ANKRD16: variants seen among roughly 807,000 people sequenced by gnomAD.
ANKRD16 encodes the protein ankyrin repeat domain 16.
ANKRD16 carries 35 observed loss-of-function variants against 37.9 expected under a neutral mutation model. The ratio of observed to expected loss-of-function variants is 0.92; its 90% CI spans 0.71 to 1.23. The LOEUF (loss-of-function observed/expected upper bound fraction) is 1.23. Ranked by LOEUF, ANKRD16 falls within the 50% of genes most tolerant of loss-of-function variation. The pLI is 0.00. For synonymous variants in ANKRD16, 206 were observed against 197.2 expected (o/e 1.04, Z -0.37); for missense variants, 480 against 469.9 (o/e 1.02, Z -0.20).
At chr10:5,873,294 T>A (rs985996650) in intron 7 of ANKRD16, among the ~76,000 whole-genome samples, 21 of 152,104 alleles carry the variant, frequency 1.4e-4, no homozygotes, top group African/African-American at 4.6e-4. Flanking sequence ...CCTCCCAAAG[T>A]GCTGGGATAA....
At position 5,889,365 on chromosome 10, in the gene ANKRD16, C is replaced by T; in HGVS notation, c.-11G>A. On this transcript the variant is annotated 5_prime_UTR_variant, in exon 1 of 8. Transcript: ENST00000380094. The stretch of plus-strand genomic sequence containing the variant: ...CCCGGGCTGGGCCATCGCCGCGGGT[C>T]GGGCCGGGCTGCGCGGGGAGGCGGC... 1 of 1,211,174 alleles carries T rather than the reference C, an allele frequency of 8.3e-7. No homozygotes were observed. The highest frequency in any genetic ancestry group is 1.0e-6 in the Non-Finnish European group (1 of 976,788). The allele number at this position is 1,211,174 out of a possible 1,614,324, so 75.0% of individuals were successfully genotyped here. A position where few individuals can be genotyped will look rare whatever the true frequency, so the allele number is the denominator to read the frequency against.
Position 5,887,956 on chromosome 10 carries a change from G to A in ANKRD16, c.426C>T (p.His142=), listed in dbSNP as rs1239287631. The change falls in exon 2 of 8, where the codon CAC becomes CAT. Residue 142 remains histidine (H), a synonymous_variant. Coordinates refer to ENST00000380094, the MANE Select transcript of ANKRD16 (RefSeq NM_019046.3). ...GAGGGTCGCCTTCTCGACTGGCAAT[G>A]TGGAAACTGTTCCAGCCATCTTTGT... ...LKNKDGWNSF[H]IASREGDPLI... 6.2e-7 allele frequency: 1 copy of A among 1,614,138 alleles called. No individual in the cohort carries two copies. Among genetic ancestry groups the A allele is most frequent in the Non-Finnish European group, 8.5e-7 (1 of 1,180,048 alleles).
intron 2 of ANKRD16, among the ~76,000 whole-genome samples, chr10:5,887,240 A>C (rs954785128): frequency 2.0e-5 from 3 of 152,248 alleles, no homozygotes; most frequent in Non-Finnish European, 2.9e-5. Context: ...ACTATGTGCT[A>C]CAGAACCAGC....
chr10:5,879,704 C>T (rs1018916732), intron 6 of ANKRD16, among the ~76,000 whole-genome samples: 1 of 30,972 alleles, frequency 3.2e-5, no homozygotes, highest in Non-Finnish European at 8.9e-5. Context: ...TAGAAAGAAA[C>T]TGCTTTTATG....
rs895279269 is a variant in ANKRD16 at position 5,862,881 on chromosome 10, C to T, written c.*34-190G>A. Among the ~76,000 whole-genome samples the T allele has an allele frequency of 7.2e-5, 11 of 152,016 alleles. No homozygotes were observed. Among genetic ancestry groups the T allele is most frequent in the African/African-American group, 2.4e-4 (10 of 41,358 alleles). ...AAGGGAGAAGGGAAGGGGAGGCTGG[C>T]GCTAGATAGTAACAAGCTGTGTGTT... On this transcript the variant is annotated intron_variant, in intron 7 of 7. Transcript: ENST00000380094. The surrounding 1 kb of genome is among the most constrained non-coding windows in gnomAD (Gnocchi z 6.5).
In ANKRD16 at chr10:5,862,388, T is replaced by C; in HGVS notation, c.*337A>G. ...CAGGGCAGAGGCAGAAGGCACCACC[T>C]CAATCTGGGCCTGTCTGCTGTGGCT... On this transcript the variant is annotated 3_prime_UTR_variant, in exon 8 of 8. Transcript: ENST00000380094. This position sits in a 1 kb window ranked among gnomAD's most constrained non-coding sequence, Gnocchi z 6.5. The C allele has an allele frequency of 2.2e-6, 1 of 446,340 alleles. No individual in the cohort carries two copies. The highest frequency in any genetic ancestry group is 4.4e-6 in the Non-Finnish European group (1 of 225,904). The allele number at this position is 446,340 out of a possible 1,614,324, so 27.6% of individuals were successfully genotyped here.
At position 5,870,026 on chromosome 10, in the gene ANKRD16, G is replaced by A. The variant is rs934329707; in HGVS notation, c.*34-7335C>T. On this transcript the variant is annotated intron_variant, in intron 7 of 7. Coordinates refer to ENST00000380094, the MANE Select transcript of ANKRD16 (RefSeq NM_019046.3). This position sits in a 1 kb window ranked among gnomAD's most constrained non-coding sequence, Gnocchi z 5.0. Reference sequence around the variant, plus strand: ...AGGATCCCTAGGTTTGAAGGAATCTGCATTTTAACAAGACTCTAGTTGCTT... The same window carrying A: ...AGGATCCCTAGGTTTGAAGGAATCTACATTTTAACAAGACTCTAGTTGCTT... 2.0e-5 allele frequency among the ~76,000 whole-genome samples: 3 copies of A among 151,910 alleles called. No individual in the cohort carries two copies. The highest frequency in any genetic ancestry group is 4.4e-5 in the Non-Finnish European group (3 of 67,990).
chr10:5,889,767 A>C lies in ANKRD16; in HGVS notation c.-413T>G. 1 of 156,820 alleles carries C rather than the reference A, an allele frequency of 6.4e-6. No individual in the cohort carries two copies. 9.7% of individuals were successfully genotyped at this position (156,820 alleles called of 1,614,324 possible). A position where few individuals can be genotyped will look rare whatever the true frequency, so the allele number is the denominator to read the frequency against. On this transcript the variant is annotated 5_prime_UTR_variant, in exon 1 of 8. Transcript: ENST00000380094. ...GTAAGGGAGTGGGGCGCGCCGCTAC[A>C]CCGCAAAGCCCCAAAGTGGAGGGTC...
chr10:5,883,285 A>C (rs907368730), intron 4 of ANKRD16, 118 bp from the exon 5 acceptor site: 35 of 1,018,736 alleles, frequency 3.4e-5, no homozygotes, highest in Admixed American at 2.3e-4. Context: ...CTCTCTGGGC[A>C]GAGGATATGT....
Position 5,878,021 on chromosome 10 carries a change from TGGA to T in ANKRD16, c.*33+73_*33+75del. 1 of 1,436,046 alleles carries T rather than the reference TGGA, an allele frequency of 7.0e-7. No individual in the cohort carries two copies. Among genetic ancestry groups the T allele is most frequent in the South Asian group, 1.3e-5 (1 of 75,072 alleles). 89.0% of individuals were successfully genotyped at this position (1,436,046 alleles called of 1,614,324 possible). ...ATGCAGGATGAGGGAAGGGAGGAAG[TGGA>T]GGAGATGGAAAACTGGCTTCCAACT... On this transcript the variant is annotated intron_variant, in intron 7 of 7. Transcript: ENST00000380094. This position sits in a 1 kb window ranked among gnomAD's most constrained non-coding sequence, Gnocchi z 5.1.
chr10:5,883,927 A>T (rs1842365160), intron 4 of ANKRD16, 42 bp downstream of exon 4: 1 of 1,574,870 alleles, frequency 6.3e-7, no homozygotes, highest in African/African-American at 1.4e-5. Context: ...CCTAAAATTT[A>T]TAGGAAGAAC....
chr10:5,885,799 T>A (rs1842414350), intron 2 of ANKRD16, 34 bp from the exon 3 acceptor site: 2 of 1,589,664 alleles, frequency 1.3e-6, no homozygotes, highest in Non-Finnish European at 8.5e-7. Flanking sequence ...AATTAGAGCT[T>A]TTTAGTGCAC....
chr10:5,877,712 T>C (rs1227319321), intron 7 of ANKRD16, among the ~76,000 whole-genome samples: 2 of 152,360 alleles, frequency 1.3e-5, no homozygotes, highest in East Asian at 1.9e-4. Context: ...GTATGTGATA[T>C]TTTTGTTATT....
Position 5,868,766 on chromosome 10 carries a change from C to T in ANKRD16, c.*34-6075G>A, listed in dbSNP as rs368350983. Among the ~76,000 whole-genome samples the T allele has an allele frequency of 2.6e-5, 4 of 152,178 alleles. No individual in the cohort carries two copies. The East Asian group carries it at 5.8e-4, about 22-fold the overall frequency. ...CCCTTAAGAGCTGTAACATTCACTG[C>T]GAGGGTCTGCGGCTTCATTCCTTAA... On this transcript the variant is annotated intron_variant, in intron 7 of 7. Coordinates refer to ENST00000380094, the MANE Select transcript of ANKRD16 (RefSeq NM_019046.3). The surrounding 1 kb of genome is among the most constrained non-coding windows in gnomAD (Gnocchi z 4.9).
intron 7 of ANKRD16, among the ~76,000 whole-genome samples, chr10:5,877,701 C>A (rs78509760): frequency 6.6e-6 from 1 of 152,128 alleles, no homozygotes; most frequent in Non-Finnish European, 1.5e-5. Context: ...CTAATAGCAA[C>A]GTATGTGATA....
Position 5,880,363 on chromosome 10 carries a change from C to T in ANKRD16, c.863G>A (p.Ser288Asn). The T allele has an allele frequency of 6.3e-7, 1 of 1,597,194 alleles. No individual in the cohort carries two copies. Among genetic ancestry groups the T allele is most frequent in the Non-Finnish European group, 8.5e-7 (1 of 1,173,646 alleles). Residue 288 changes from serine to asparagine, a missense_variant, in exon 6 of 8, where the codon AGT becomes AAT. Transcript: ENST00000380094. ...CAAGGATAAGAGAGTCTGAATTGTA[C>T]TTGTATGTCCTTCCTGAATTGAAAC... Reference protein sequence around the residue: ...LHYAAKEGHTSTIQTLLSLGA... With the variant: ...LHYAAKEGHTNTIQTLLSLGA...
At chr10:5,885,458 A>G (rs1270539548) in intron 3 of ANKRD16, among the ~76,000 whole-genome samples, 1 of 152,212 alleles carries the variant, frequency 6.6e-6, no homozygotes, top group Non-Finnish European at 1.5e-5. Context: ...CTGGGATTAC[A>G]GGCGTGAGCC....
rs1195620755 is a variant in ANKRD16, at chr10:5,870,870, GCA to G, written c.*33+7225_*33+7226del. ...TGTTGCTGTGCTCAGGCCAGAAGCT[GCA>G]CAGAGCATGGGCCGATAAATGCATC... On this transcript the variant is annotated intron_variant, in intron 7 of 7. Transcript: ENST00000380094. This position sits in a 1 kb window ranked among gnomAD's most constrained non-coding sequence, Gnocchi z 5.0. Among the ~76,000 whole-genome samples, 7 of 152,162 alleles carry G rather than the reference GCA, an allele frequency of 4.6e-5. No individual in the cohort carries two copies. Among genetic ancestry groups the G allele is most frequent in the Admixed American group, 4.6e-4 (7 of 15,266 alleles).
intron 7 of ANKRD16, among the ~76,000 whole-genome samples, chr10:5,872,535 C>T (rs991844254): frequency 1.1e-4 from 17 of 152,040 alleles, no homozygotes; most frequent in Admixed American, 2.0e-4. Flanking sequence ...TCAGCTCAAC[C>T]GTATGCATTT....
Sources: allele counts gnomAD v4.1 joint callset (sites outside exome capture counted in the v4.1 genomes callset), GRCh38; gene constraint gnomAD v4.1.1; non-coding constraint Gnocchi (gnomAD v3.1); transcripts MANE v1.5; gene names NCBI Gene and HGNC (gene_info 2026-07-23, HGNC 2026-07-21).